Variants in ARSB observed in about 807,000 individuals in gnomAD.
ARSB encodes N-acetylgalactosamine-4-sulfatase.
In ARSB, 41 loss-of-function variants were observed where a neutral mutation model predicts 50.9. The ratio of observed to expected loss-of-function variants is 0.81; its 90% CI spans 0.63 to 1.04. The LOEUF is 1.04. ARSB is among the 50% of genes least tolerant of loss of function. ARSB has a pLI of 0.00. For synonymous variants in ARSB, 269 were observed against 284.8 expected, an observed-to-expected ratio of 0.94 and a Z score of 0.56; for missense variants, 672 against 693.3, an observed-to-expected ratio of 0.97 and a Z score of 0.35.
At chr5:78,934,570 G>T (rs1207035634) in intron 4 of ARSB, among the ~76,000 whole-genome samples, 1 of 152,044 alleles carries the variant, frequency 6.6e-6, no homozygotes, top group Non-Finnish European at 1.5e-5. Context: ...CAGGTGGATT[G>T]CCTGAGGCTA....
At chr5:78,865,166 G>C (rs987418401) in intron 5 of ARSB, among the ~76,000 whole-genome samples, 2 of 152,160 alleles carry the variant, frequency 1.3e-5, no homozygotes, top group African/African-American at 4.8e-5. Flanking sequence ...CCCTAGCAGA[G>C]GTTCTCCGTG....
chr5:78,949,103 C>T (rs1751382431), intron 4 of ARSB, among the ~76,000 whole-genome samples: 1 of 152,196 alleles, frequency 6.6e-6, no homozygotes, highest in African/African-American at 2.4e-5. Flanking sequence ...TGCTCCACTG[C>T]TGCAGGTGGT....
chr5:78,843,483 C>T (rs1745315911), intron 5 of ARSB, among the ~76,000 whole-genome samples: 2 of 152,072 alleles, frequency 1.3e-5, no homozygotes, highest in South Asian at 4.1e-4. Flanking sequence ...GGGTTCAATC[C>T]CAGGAGACTG....
At chr5:78,945,334 T>C (rs1468751287) in intron 4 of ARSB, among the ~76,000 whole-genome samples, 2 of 152,170 alleles carry the variant, frequency 1.3e-5, no homozygotes, top group Non-Finnish European at 2.9e-5. Flanking sequence ...AGTACCTCAG[T>C]TGGAAATGCA....
chr5:78,786,093 T>C (rs73770024), intron 6 of ARSB, among the ~76,000 whole-genome samples: 5,055 of 152,278 alleles, frequency 0.033, 285 homozygotes, highest in African/African-American at 0.12. Context: ...CTGTAACATA[T>C]TTTAGAACAT....
chr5:78,835,504 G>A (rs563367474), intron 6 of ARSB, among the ~76,000 whole-genome samples: 14 of 152,308 alleles, frequency 9.2e-5, no homozygotes, highest in South Asian at 2.1e-4. Context: ...ATAGAAAAGC[G>A]GATCGATACG....
intron 4 of ARSB, among the ~76,000 whole-genome samples, chr5:78,928,305 CTTTTTTT>C (rs34737292): frequency 1.8e-4 from 13 of 72,574 alleles, no homozygotes; most frequent in Non-Finnish European, 2.3e-4. Flanking sequence ...TTTGCTTTTG[CTTTTTTT>C]TTTTTTTTTT....
chr5:78,982,478 T>C (rs906602171), intron 1 of ARSB, among the ~76,000 whole-genome samples: 1 of 152,208 alleles, frequency 6.6e-6, no homozygotes, highest in Non-Finnish European at 1.5e-5. Context: ...CCTTGGGATG[T>C]TATTTTTAAT....
intron 5 of ARSB, among the ~76,000 whole-genome samples, chr5:78,847,517 A>G (rs758060730): frequency 2.0e-5 from 3 of 152,162 alleles, no homozygotes; most frequent in African/African-American, 7.2e-5. Context: ...ATACTGGCCT[A>G]AAGTTTTCTT....
chr5:78,939,537 G>GT (rs1554084473), intron 4 of ARSB, among the ~76,000 whole-genome samples: 25 of 151,954 alleles, frequency 1.6e-4, no homozygotes, highest in African/African-American at 5.1e-4. Flanking sequence ...GTGGTGTTTG[G>GT]TTTTTTCTCT....
intron 6 of ARSB, among the ~76,000 whole-genome samples, chr5:78,823,058 C>T (rs1322340748): frequency 6.6e-6 from 1 of 152,206 alleles, no homozygotes; most frequent in Non-Finnish European, 1.5e-5. Context: ...AATCTCAAAA[C>T]ACTTTAAAGG....
chr5:78,984,699 C>G (rs1455772103), intron 1 of ARSB, among the ~76,000 whole-genome samples: 1 of 152,104 alleles, frequency 6.6e-6, no homozygotes, highest in Admixed American at 6.6e-5. Context: ...GCCACCCGCC[C>G]AACCCGGCGG....
Position 78,860,693 on chromosome 5 carries a change from T to C in ARSB, c.1143-21267A>G, listed in dbSNP as rs527556292. Among the ~76,000 whole-genome samples, 8 of 152,056 alleles carry C rather than the reference T, an allele frequency of 5.3e-5. No homozygotes were observed. In the South Asian group the frequency reaches 8.3e-4, roughly 16 times the overall value. On this transcript the variant is annotated intron_variant, in intron 5 of 7. Coordinates refer to ENST00000264914, the MANE Select transcript of ARSB (RefSeq NM_000046.5). ...AAAACTTGACACCCTAACATCACAA[T>C]TAAAAGAACTAAAGAAGCAAGAGCA...
chr5:78,832,122 A>G (rs1744721492), intron 6 of ARSB, among the ~76,000 whole-genome samples: 1 of 152,132 alleles, frequency 6.6e-6, no homozygotes, highest in South Asian at 2.1e-4. Flanking sequence ...AGGCAGCAAG[A>G]GCTCACCGTC....
At chr5:78,952,745 G>A (rs564323584) in intron 4 of ARSB, among the ~76,000 whole-genome samples, 9 of 152,234 alleles carry the variant, frequency 5.9e-5, no homozygotes, top group African/African-American at 2.2e-4. Context: ...TTAAGCCCAC[G>A]TACAATACAT....
chr5:78,790,846 C>T (rs1561425967), intron 6 of ARSB, among the ~76,000 whole-genome samples: 1 of 152,178 alleles, frequency 6.6e-6, no homozygotes, highest in Non-Finnish European at 1.5e-5. Context: ...CAACCAAAGT[C>T]ACTTCTCTGG....
chr5:78,849,357 T>C (rs531239026), intron 5 of ARSB, among the ~76,000 whole-genome samples: 3 of 152,318 alleles, frequency 2.0e-5, no homozygotes, highest in Admixed American at 1.3e-4. Context: ...CTCAGGTTTG[T>C]CAAAGATCAG....
intron 4 of ARSB, among the ~76,000 whole-genome samples, chr5:78,890,467 G>A (rs2112231159): frequency 6.6e-6 from 1 of 152,170 alleles, no homozygotes; most frequent in Non-Finnish European, 1.5e-5. Context: ...ATGTGCATTT[G>A]ATTCTGCCAA....
At chr5:78,936,063 CCCTCCCTCTCTTTCCCTTCCTCCCCG>C (rs1750578619) in intron 4 of ARSB, among the ~76,000 whole-genome samples, 1 of 114,760 alleles carries the variant, frequency 8.7e-6, no homozygotes, top group African/African-American at 3.3e-5. Flanking sequence ...TTCCCTCCCT[CCCTCCCTCTCTTTCCCTTCCTCCCCG>C]CCTCTCTCTC....
Sources: gnomAD v4.1 joint callset for allele counts (sites outside exome capture counted in the v4.1 genomes callset) on GRCh38, gnomAD v4.1.1 for gene constraint, MANE v1.5 for transcripts, NCBI Gene and HGNC (gene_info 2026-07-23, HGNC 2026-07-21) for gene names.